Variants in TLK1 observed in about 807,000 individuals in gnomAD.
The protein encoded by TLK1 is serine/threonine-protein kinase tousled-like 1.
In TLK1, 24 loss-of-function variants were observed where a neutral mutation model predicts 105.3. The observed-to-expected ratio is 0.23, with a 90% CI of 0.17 to 0.32. TLK1 has a LOEUF of 0.32. Ranked by LOEUF, TLK1 falls within the 10% of genes least tolerant of loss-of-function variation. The pLI is 1.00. For synonymous variants in TLK1, 321 were observed against 310.4 expected (o/e 1.03, Z -0.36); for missense variants, 558 against 910.5 (o/e 0.61, Z 4.98).
chr2:171,011,683 A>C (rs1684923225), intron 13 of TLK1, among the ~76,000 whole-genome samples: 1 of 152,214 alleles, frequency 6.6e-6, no homozygotes, highest in Non-Finnish European at 1.5e-5. Context: ...CTCAATATTC[A>C]GGAGCAATGA....
chr2:171,160,303 C>G lies in TLK1; in HGVS notation c.126G>C (p.Gly42=). 1 of 1,586,246 alleles carries G rather than the reference C, an allele frequency of 6.3e-7. No individual in the cohort carries two copies. Among genetic ancestry groups the G allele is most frequent in the Non-Finnish European group, 8.6e-7 (1 of 1,169,264 alleles). Residue 42 remains glycine, a synonymous_variant, in exon 1 of 21, where the codon GGG becomes GGC. Coordinates refer to ENST00000431350, the MANE Select transcript of TLK1 (RefSeq NM_012290.5). The surrounding 1 kb of genome is among the most constrained non-coding windows in gnomAD (Gnocchi z 4.4). ...RSLLNHTPPS[G]RPREGAMDEL... ...GGCGGTGCTTACCTTCCCTGGGCCT[C>G]CCGGATGGCGGCGTGTGATTCAGCA... is the stretch of plus-strand genomic sequence containing the variant.
chr2:171,168,622 AG>A (rs1305185438), intron 1 of TLK1, among the ~76,000 whole-genome samples: 6 of 152,220 alleles, frequency 3.9e-5, no homozygotes, highest in Non-Finnish European at 5.9e-5. Context: ...TTTGGAAGAT[AG>A]GGGTTGGAAA....
chr2:171,060,106 GA>G, intron 4 of TLK1: 1 of 1,472,512 alleles, frequency 6.8e-7, no homozygotes. Flanking sequence ...GGTGAAACAA[GA>G]AAAAACAATT....
intron 10 of TLK1, among the ~76,000 whole-genome samples, chr2:171,047,151 T>C (rs926389133): frequency 3.3e-5 from 5 of 152,256 alleles, no homozygotes; most frequent in Non-Finnish European, 4.4e-5. Context: ...ATTTTGCAAA[T>C]AGCTCCCTAA....
intron 1 of TLK1, among the ~76,000 whole-genome samples, chr2:171,199,510 TAAA>T (rs71013024): frequency 0.57 from 83,357 of 147,280 alleles, 26,052 homozygotes; most frequent in East Asian, 0.95. Context: ...GAGACCTGGT[TAAA>T]AAAAAAAAAA....
chr2:171,063,548 G>A (rs533925245), intron 3 of TLK1, among the ~76,000 whole-genome samples: 1 of 152,056 alleles, frequency 6.6e-6, no homozygotes, highest in Non-Finnish European at 1.5e-5. Context: ...CTCTTGAACA[G>A]GCAAAAATAG....
chr2:171,119,657 G>C (rs1293157976), intron 1 of TLK1, among the ~76,000 whole-genome samples: 3 of 152,182 alleles, frequency 2.0e-5, no homozygotes, highest in Non-Finnish European at 4.4e-5. Flanking sequence ...AAAACAGGGA[G>C]ACCAGAAAAT....
At chr2:171,042,515 G>T (rs556017277) in intron 11 of TLK1, among the ~76,000 whole-genome samples, 1 of 152,196 alleles carries the variant, frequency 6.6e-6, no homozygotes, top group South Asian at 2.1e-4. Flanking sequence ...CCAAAACAGT[G>T]GATTACAGGC....
At chr2:171,022,583 A>G (rs1685579438) in intron 12 of TLK1, among the ~76,000 whole-genome samples, 1 of 152,220 alleles carries the variant, frequency 6.6e-6, no homozygotes, top group African/African-American at 2.4e-5. Flanking sequence ...CTACAGAAAC[A>G]TCATGTACAA....
intron 1 of TLK1, among the ~76,000 whole-genome samples, chr2:171,153,017 A>G (rs1692103201): frequency 6.8e-6 from 1 of 147,246 alleles, no homozygotes; most frequent in Non-Finnish European, 1.5e-5. Flanking sequence ...ACACGTGTAT[A>G]AAAACTCATG....
intron 2 of TLK1, among the ~76,000 whole-genome samples, chr2:171,107,561 C>T (rs1364569953): frequency 6.6e-6 from 1 of 152,154 alleles, no homozygotes; most frequent in Non-Finnish European, 1.5e-5. Context: ...AAGCACCATT[C>T]TTCATTAAAA....
At chr2:171,073,208 T>C (rs773644212) in intron 3 of TLK1, among the ~76,000 whole-genome samples, 6 of 152,216 alleles carry the variant, frequency 3.9e-5, no homozygotes, top group African/African-American at 1.2e-4. Context: ...CCTTTACTTC[T>C]TTCCCTTGTC....
chr2:171,073,598 G>C (rs571732932), intron 3 of TLK1, among the ~76,000 whole-genome samples: 1 of 152,150 alleles, frequency 6.6e-6, no homozygotes, highest in South Asian at 2.1e-4. Flanking sequence ...TTCCTTCCAA[G>C]AGACTAATAA....
At chr2:171,213,041 CCTT>C (rs1693649352) in intron 1 of TLK1, among the ~76,000 whole-genome samples, 2 of 151,876 alleles carry the variant, frequency 1.3e-5, no homozygotes, top group East Asian at 1.9e-4. Context: ...GTAAAATTGT[CCTT>C]CTTACCAAAG....
intron 1 of TLK1, among the ~76,000 whole-genome samples, chr2:171,119,105 C>T (rs1169252749): frequency 6.6e-6 from 1 of 152,206 alleles, no homozygotes; most frequent in Non-Finnish European, 1.5e-5. Flanking sequence ...GGCATCTACT[C>T]ACTCCTTGTC....
chr2:171,003,444 A>G (rs562225902), intron 18 of TLK1, among the ~76,000 whole-genome samples: 8 of 152,274 alleles, frequency 5.3e-5, no homozygotes, highest in African/African-American at 1.9e-4. Context: ...TCTATGGTAC[A>G]TATCAAGCAA....
chr2:171,123,054 A>AC (rs758277293), intron 1 of TLK1, among the ~76,000 whole-genome samples: 16 of 130,214 alleles, frequency 1.2e-4, no homozygotes, highest in South Asian at 5.0e-4. Flanking sequence ...ATAAATAAAT[A>AC]AATACACACA....
chr2:171,159,828 G>C (rs988814571), intron 1 of TLK1: 1 of 154,844 alleles, frequency 6.5e-6, no homozygotes, highest in African/African-American at 2.4e-5. Context: ...CTCGCAAAGT[G>C]GGGACCGCCT....
chr2:171,036,275 T>G (rs911849869), intron 11 of TLK1, among the ~76,000 whole-genome samples: 6 of 152,118 alleles, frequency 3.9e-5, no homozygotes, highest in Non-Finnish European at 7.4e-5. Flanking sequence ...TGAAACCCTG[T>G]TTCTATTAAA....
Sources: gnomAD v4.1 joint callset for allele counts (sites outside exome capture counted in the v4.1 genomes callset) on GRCh38, gnomAD v4.1.1 for gene constraint, Gnocchi (gnomAD v3.1) non-coding constraint, MANE v1.5 for transcripts, NCBI Gene and HGNC (gene_info 2026-07-23, HGNC 2026-07-21) for gene names.